The following APCDD1L variants were observed in gnomAD, a reference collection of about 807,000 sequenced individuals.
APCDD1L encodes APC down-regulated 1 like.
A neutral mutation model predicts 24.2 loss-of-function variants in APCDD1L; 21 were observed. That is an observed-to-expected ratio of 0.87 (90% CI 0.61 to 1.25). The LOEUF (loss-of-function observed/expected upper bound fraction) is 1.25. Ranked by LOEUF, APCDD1L falls within the 50% of genes most tolerant of loss-of-function variation. The pLI is 0.00. For missense variants in APCDD1L, 704 were observed against 711.7 expected (o/e 0.99, Z 0.12); for synonymous variants, 321 against 323.6 (o/e 0.99, Z 0.09).
At position 58,467,638 on chromosome 20, in the gene APCDD1L, G is replaced by T; in HGVS notation, c.209C>A (p.Pro70Gln). 7 of 1,507,882 alleles carry T rather than the reference G, an allele frequency of 4.6e-6. No individual in the cohort carries two copies. Among genetic ancestry groups the T allele is most frequent in the South Asian group, 3.9e-5 (3 of 76,756 alleles). The allele number at this position is 1,507,882 out of a possible 1,614,324, so 93.4% of individuals were successfully genotyped here. Residue 70 changes from proline (P) to glutamine (Q), a missense_variant, in exon 3 of 4, where the codon CCG becomes CAG. Pro to Gln is a moderately conservative substitution (Grantham distance 76). Transcript: ENST00000371149. The surrounding 1 kb of genome is among the most constrained non-coding windows in gnomAD (Gnocchi z 5.9). ...ISTGCEVRPG[P>Q]EFLTRAYTFY... is the part of the protein sequence containing the mutation. ...GGTGTAGGCGCGGGTCAGGAACTCC[G>T]GTCCTGGGCGCACCTCGCAGCTGCA... is the stretch of plus-strand genomic sequence containing the variant.
chr20:58,511,960 C>T lies in APCDD1L; in HGVS notation c.49+2699G>A, dbSNP rs75942323. On this transcript the variant is annotated intron_variant, in intron 1 of 3. Coordinates refer to ENST00000371149, the MANE Select transcript of APCDD1L (RefSeq NM_153360.3). ...GCTATGGTTTCTCATTTTCCCCCTCCAGCATAAATTGTTGAGTAATGAGAT... is the reference window on the plus strand; with the variant it reads ...GCTATGGTTTCTCATTTTCCCCCTCTAGCATAAATTGTTGAGTAATGAGAT... Among the ~76,000 whole-genome samples the T allele has an allele frequency of 5.9e-3, 897 of 152,260 alleles. 5 individuals are homozygous for T. The highest frequency in any genetic ancestry group is 9.0e-3 in the Non-Finnish European group (614 of 68,008).
intron 1 of APCDD1L, among the ~76,000 whole-genome samples, chr20:58,498,551 C>A (rs553145587): frequency 8.7e-4 from 132 of 152,318 alleles, no homozygotes; most frequent in Middle Eastern, 3.4e-3. Flanking sequence ...TCGGGGGAAG[C>A]TGATAGGGAC....
intron 1 of APCDD1L, among the ~76,000 whole-genome samples, chr20:58,490,866 G>A (rs984175430): frequency 9.2e-5 from 14 of 152,140 alleles, no homozygotes; most frequent in Non-Finnish European, 1.6e-4. Context: ...TAGGCCAATC[G>A]CATTTATGGA....
chr20:58,512,164 A>G (rs1990641433), intron 1 of APCDD1L, among the ~76,000 whole-genome samples: 2 of 152,178 alleles, frequency 1.3e-5, no homozygotes, highest in South Asian at 4.1e-4. Flanking sequence ...AGGGAGGGAG[A>G]GCAAATGGGA....
intron 1 of APCDD1L, among the ~76,000 whole-genome samples, chr20:58,487,018 C>T (rs530288307): frequency 2.6e-5 from 4 of 152,034 alleles, no homozygotes; most frequent in Non-Finnish European, 4.4e-5. Context: ...CACACTACCA[C>T]GCCTGGCTAA....
intron 2 of APCDD1L, 64 bp downstream of exon 2, chr20:58,470,545 C>T (rs535618918): frequency 2.9e-5 from 43 of 1,495,128 alleles, no homozygotes; most frequent in East Asian, 4.8e-5. Context: ...GATTGGATGC[C>T]GAGTCCCAGA....
intron 1 of APCDD1L, among the ~76,000 whole-genome samples, chr20:58,483,052 AGAGGGGCCC>A (rs1990052600): frequency 6.6e-6 from 1 of 152,178 alleles, no homozygotes; most frequent in African/African-American, 2.4e-5. Flanking sequence ...AGGGGCCTCC[AGAGGGGCCC>A]CACTGCCTAT....
chr20:58,515,291 C>A lies in APCDD1L; in HGVS notation c.-584G>T, dbSNP rs1196915254. The A allele has an allele frequency of 8.6e-6, 2 of 232,124 alleles. No homozygotes were observed. Among genetic ancestry groups the A allele is most frequent in the African/African-American group, 4.5e-5 (2 of 44,556 alleles). The allele number at this position is 232,124 out of a possible 1,614,324, so 14.4% of individuals were successfully genotyped here. On this transcript the variant is annotated 5_prime_UTR_variant, in exon 1 of 4. Coordinates refer to ENST00000371149, the MANE Select transcript of APCDD1L (RefSeq NM_153360.3). ...ACTTGGATCCCAGCAAACCCAGAAG[C>A]GCAGTGAAAGTGGCCAACCCGGTCG...
In APCDD1L at chr20:58,461,677, T is replaced by A; in HGVS notation, c.742-123A>T. ...GGGTGAGGTGCGGCCTGTCCCTCCC[T>A]CCTCTCTCTCCTCACTCCCTGCCTT... On this transcript the variant is annotated intron_variant, in intron 3 of 3. Transcript: ENST00000371149. The surrounding 1 kb of genome is among the most constrained non-coding windows in gnomAD (Gnocchi z 6.0). 1 of 969,890 alleles carries A rather than the reference T, an allele frequency of 1.0e-6. No homozygotes were observed. The highest frequency in any genetic ancestry group is 1.4e-6 in the Non-Finnish European group (1 of 733,858). 60.1% of individuals were successfully genotyped at this position (969,890 alleles called of 1,614,324 possible).
At chr20:58,472,729 G>A (rs1989834611) in intron 1 of APCDD1L, among the ~76,000 whole-genome samples, 1 of 152,212 alleles carries the variant, frequency 6.6e-6, no homozygotes, top group South Asian at 2.1e-4. Flanking sequence ...CAGCACTTGG[G>A]GCCACTCTGC....
chr20:58,488,157 T>C (rs1403239962), intron 1 of APCDD1L, among the ~76,000 whole-genome samples: 1 of 152,222 alleles, frequency 6.6e-6, no homozygotes, highest in Non-Finnish European at 1.5e-5. Context: ...AGTAGCGTGA[T>C]GAAATCTTGC....
chr20:58,475,427 C>T (rs903877174), intron 1 of APCDD1L, among the ~76,000 whole-genome samples: 2 of 151,960 alleles, frequency 1.3e-5, no homozygotes, highest in African/African-American at 2.4e-5. Context: ...TTGCATGGCC[C>T]GTTTTTCTGA....
chr20:58,464,081 C>G (rs751427237), intron 3 of APCDD1L, among the ~76,000 whole-genome samples: 8 of 152,032 alleles, frequency 5.3e-5, no homozygotes, highest in Non-Finnish European at 1.2e-4. Flanking sequence ...TGGGAGCAAG[C>G]AAGCTTGATA....
intron 3 of APCDD1L, among the ~76,000 whole-genome samples, chr20:58,462,583 C>G (rs943013130): frequency 2.0e-5 from 3 of 152,206 alleles, no homozygotes; most frequent in Non-Finnish European, 4.4e-5. Flanking sequence ...GTGGCTCACA[C>G]CTGTAATCCC....
At chr20:58,475,473 A>T (rs1480354820) in intron 1 of APCDD1L, among the ~76,000 whole-genome samples, 1 of 152,176 alleles carries the variant, frequency 6.6e-6, no homozygotes, top group African/African-American at 2.4e-5. Flanking sequence ...TCTGAACTTG[A>T]TATTAAAATA....
intron 1 of APCDD1L, among the ~76,000 whole-genome samples, chr20:58,504,118 C>T (rs1990491625): frequency 6.6e-6 from 1 of 152,192 alleles, no homozygotes. Flanking sequence ...TACCTGTCCA[C>T]TGCAGTTTTG....
rs1300329062 is a variant in APCDD1L, at chr20:58,494,275, C to G, written c.49+20384G>C. ...GTCAACTGCATTTCTTTTTTCTTTT[C>G]TTTTCTTTTCTTACTTTTCTTTTCT... On this transcript the variant is annotated intron_variant, in intron 1 of 3. Transcript: ENST00000371149. The surrounding 1 kb of genome is among the most constrained non-coding windows in gnomAD (Gnocchi z 4.8). Among the ~76,000 whole-genome samples, 1 of 131,886 alleles carries G rather than the reference C, an allele frequency of 7.6e-6. No individual in the cohort carries two copies. The highest frequency in any genetic ancestry group is 1.6e-5 in the Non-Finnish European group (1 of 61,066). The allele number at this position is 131,886 out of a possible 152,430, so 86.5% of individuals were successfully genotyped here. A position where few individuals can be genotyped will look rare whatever the true frequency, so the allele number is the denominator to read the frequency against.
rs922576467 is a variant in APCDD1L, at chr20:58,508,913, C to T, written c.49+5746G>A. Reference sequence around the variant, plus strand: ...TACTGGGAAAGACTGTGTGCACATGCGTGAGTGTGCATGAGTGTGCGTGAG... The same window carrying T: ...TACTGGGAAAGACTGTGTGCACATGTGTGAGTGTGCATGAGTGTGCGTGAG... On this transcript the variant is annotated intron_variant, in intron 1 of 3. Transcript: ENST00000371149. The surrounding 1 kb of genome is among the most constrained non-coding windows in gnomAD (Gnocchi z 4.0). Among the ~76,000 whole-genome samples, 6 of 151,712 alleles carry T rather than the reference C, an allele frequency of 4.0e-5. No individual in the cohort carries two copies. The highest frequency in any genetic ancestry group is 8.8e-5 in the Non-Finnish European group (6 of 67,926).
intron 1 of APCDD1L, among the ~76,000 whole-genome samples, chr20:58,489,790 A>G (rs1990191228): frequency 6.6e-6 from 1 of 152,168 alleles, no homozygotes; most frequent in East Asian, 1.9e-4. Context: ...AGCTCTTAGT[A>G]TGGACGGCAG....
Sources: allele counts gnomAD v4.1 joint callset (sites outside exome capture counted in the v4.1 genomes callset), GRCh38; gene constraint gnomAD v4.1.1; non-coding constraint Gnocchi (gnomAD v3.1); transcripts MANE v1.5; gene names NCBI Gene and HGNC (gene_info 2026-07-23, HGNC 2026-07-21).